Variants in MBOAT1 observed in about 807,000 individuals in gnomAD.
MBOAT1 encodes membrane-bound glycerophospholipid O-acyltransferase 1.
MBOAT1 carries 67 observed loss-of-function variants against 64.4 expected under a neutral mutation model. The ratio of observed to expected loss-of-function variants is 1.04; its 90% CI spans 0.85 to 1.27. The LOEUF is 1.27. Ranked by LOEUF, MBOAT1 falls within the 50% of genes most tolerant of loss-of-function variation. The probability of loss-of-function intolerance (pLI) is 0.00; values close to 1 mark genes in which losing one functional copy is unlikely to be tolerated. For missense variants in MBOAT1, 563 were observed against 604.6 expected, an observed-to-expected ratio of 0.93 and a Z score of 0.72; for synonymous variants, 229 against 218.9, an observed-to-expected ratio of 1.05 and a Z score of -0.41.
intron 1 of MBOAT1, among the ~76,000 whole-genome samples, chr6:20,168,595 GAAAGAGAGAAGAGAAGAGA>G (rs1352042650): frequency 1.4e-5 from 1 of 70,436 alleles, no homozygotes; most frequent in Non-Finnish European, 2.7e-5. Flanking sequence ...GAGAGGGAGA[GAAAGAGAGAAGAGAAGAGA>G]AGAGAAGAGA....
chr6:20,114,105 T>C (rs1352737947), intron 10 of MBOAT1, among the ~76,000 whole-genome samples: 1 of 152,172 alleles, frequency 6.6e-6, no homozygotes, highest in Non-Finnish European at 1.5e-5. Flanking sequence ...GCAATAATGT[T>C]GAGGCCAAAA....
At chr6:20,161,083 T>A (rs1160961221) in intron 1 of MBOAT1, among the ~76,000 whole-genome samples, 1 of 152,146 alleles carries the variant, frequency 6.6e-6, no homozygotes, top group Non-Finnish European at 1.5e-5. Flanking sequence ...AAGCTTCATC[T>A]GTATTTACAG....
intron 3 of MBOAT1, among the ~76,000 whole-genome samples, chr6:20,147,903 C>T (rs1261566410): frequency 4.6e-5 from 7 of 152,164 alleles, no homozygotes; most frequent in Non-Finnish European, 1.0e-4. Context: ...AAGAGCTTGG[C>T]TTAAGACTTG....
chr6:20,134,859 C>T (rs935256051), intron 4 of MBOAT1, among the ~76,000 whole-genome samples: 40 of 144,556 alleles, frequency 2.8e-4, no homozygotes, highest in Admixed American at 2.7e-3. Context: ...AATCATAAAA[C>T]AATTCAGAAC....
intron 1 of MBOAT1, among the ~76,000 whole-genome samples, chr6:20,167,385 G>C (rs1762043560): frequency 6.6e-6 from 1 of 152,064 alleles, no homozygotes; most frequent in Admixed American, 6.5e-5. Context: ...AACATATAAG[G>C]GTATGCTCTC....
At position 20,124,420 on chromosome 6, in the gene MBOAT1, C is replaced by T; in HGVS notation, c.895G>A (p.Ala299Thr). 6.2e-7 allele frequency: 1 copy of T among 1,613,704 alleles called. No individual in the cohort carries two copies. Among genetic ancestry groups the T allele is most frequent in the Non-Finnish European group, 8.5e-7 (1 of 1,179,814 alleles). ...MQASKPKYYFAWTLADAVNNA... is the reference protein window; with the variant it reads ...MQASKPKYYFTWTLADAVNNA... ...CCATCAAACTTACCTAATGTCCATG[C>T]AAAGTAATACTTGGGCTTTGAGGCT... Residue 299 changes from alanine to threonine, a missense_variant, in exon 8 of 13, where the codon GCA becomes ACA. Ala to Thr is a moderately conservative substitution (Grantham distance 58). Coordinates refer to ENST00000324607, the MANE Select transcript of MBOAT1 (RefSeq NM_001080480.3).
rs527869219 is a variant in MBOAT1, at chr6:20,182,580, A to T, written c.99+29556T>A. On this transcript the variant is annotated intron_variant, in intron 1 of 12. Coordinates refer to ENST00000324607, the MANE Select transcript of MBOAT1 (RefSeq NM_001080480.3). ...GGAAGGGAATGAGTGACTCTGAGAG[A>T]CCCTTTCTCCCAGGCGAGCAATGCC... is the stretch of plus-strand genomic sequence containing the variant. 3.3e-5 allele frequency among the ~76,000 whole-genome samples: 5 copies of T among 152,078 alleles called. No homozygotes were observed. In the South Asian group the frequency reaches 1.0e-3, roughly 32 times the overall value.
chr6:20,118,263 G>C (rs1350201896), intron 9 of MBOAT1, among the ~76,000 whole-genome samples, 174 bp downstream of exon 9: 1 of 147,878 alleles, frequency 6.8e-6, no homozygotes, highest in Non-Finnish European at 1.5e-5. Context: ...AAAAAAAAAA[G>C]ACAGAAAAAA....
chr6:20,150,830 C>G (rs574758569), intron 3 of MBOAT1, among the ~76,000 whole-genome samples: 162 of 152,076 alleles, frequency 1.1e-3, no homozygotes, highest in Non-Finnish European at 1.9e-3. Context: ...AATCTGCCCA[C>G]CTCTGCCTCC....
intron 1 of MBOAT1, among the ~76,000 whole-genome samples, chr6:20,154,687 T>G (rs891738307): frequency 6.6e-6 from 1 of 152,230 alleles, no homozygotes; most frequent in Non-Finnish European, 1.5e-5. Flanking sequence ...CCTGCGTGAT[T>G]TGGTCATATC....
intron 1 of MBOAT1, among the ~76,000 whole-genome samples, chr6:20,200,237 C>T (rs1326607713): frequency 3.3e-5 from 5 of 152,170 alleles, no homozygotes; most frequent in Admixed American, 2.0e-4. Context: ...CCAACATGCG[C>T]TGAATTGCAC....
chr6:20,102,986 C>A (rs1258343689), intron 12 of MBOAT1, among the ~76,000 whole-genome samples: 1 of 152,190 alleles, frequency 6.6e-6, no homozygotes, highest in African/African-American at 2.4e-5. Flanking sequence ...CATACTATTA[C>A]ATACAATACA....
intron 11 of MBOAT1, among the ~76,000 whole-genome samples, chr6:20,110,172 G>A (rs1275692197): frequency 6.6e-6 from 1 of 150,812 alleles, no homozygotes; most frequent in Non-Finnish European, 1.5e-5. Context: ...GCCGCCCAAA[G>A]TGCTGGGATT....
intron 9 of MBOAT1, among the ~76,000 whole-genome samples, chr6:20,116,535 G>A (rs956394988): frequency 5.3e-5 from 8 of 152,010 alleles, no homozygotes; most frequent in African/African-American, 1.9e-4. Flanking sequence ...AAAAGTGGGA[G>A]GAAGGAAGAT....
rs1759801899 is a variant in MBOAT1 at position 20,101,923 on chromosome 6, G to A, written c.*363C>T. Among the ~76,000 whole-genome samples the A allele has an allele frequency of 6.6e-6, 1 of 151,424 alleles. No individual in the cohort carries two copies. The highest frequency in any genetic ancestry group is 2.1e-4 in the South Asian group (1 of 4,776). On this transcript the variant is annotated 3_prime_UTR_variant, in exon 13 of 13. Coordinates refer to ENST00000324607, the MANE Select transcript of MBOAT1 (RefSeq NM_001080480.3). ...GAGGTCAGGAGATCGAGACCATCCC[G>A]GCTAAAACGGTGAAACCCCGTCTCT...
chr6:20,152,385 ATT>A (rs66576865), intron 2 of MBOAT1, among the ~76,000 whole-genome samples: 72,712 of 141,976 alleles, frequency 0.51, 18,791 homozygotes, highest in Admixed American at 0.54. Context: ...TAATTAATTA[ATT>A]AAAAAAAAGA....
At chr6:20,115,042 T>A (rs1760279915) in intron 10 of MBOAT1, among the ~76,000 whole-genome samples, 2 of 152,172 alleles carry the variant, frequency 1.3e-5, no homozygotes, top group African/African-American at 2.4e-5. Flanking sequence ...ATGAGATTGA[T>A]GGAGGATTAA....
intron 7 of MBOAT1, 57 bp from the exon 8 acceptor site, chr6:20,124,657 A>G (rs1736694189): frequency 6.5e-7 from 1 of 1,549,558 alleles, no homozygotes; most frequent in Admixed American, 1.8e-5. Flanking sequence ...TGAAGAAAAC[A>G]GCTTTGGAAT....
At chr6:20,175,524 G>A (rs768252380) in intron 1 of MBOAT1, among the ~76,000 whole-genome samples, 4 of 152,060 alleles carry the variant, frequency 2.6e-5, no homozygotes, top group African/African-American at 4.8e-5. Context: ...TCGGCTCACT[G>A]CAACCTCTGC....
Sources: allele counts gnomAD v4.1 joint callset (sites outside exome capture counted in the v4.1 genomes callset), GRCh38; gene constraint gnomAD v4.1.1; transcripts MANE v1.5; gene names NCBI Gene and HGNC (gene_info 2026-07-23, HGNC 2026-07-21).